Variants in ATP8B4 observed in about 807,000 individuals in gnomAD.
The protein encoded by ATP8B4 is ATPase phospholipid transporting 8B4 (putative), also known as probable phospholipid-transporting ATPase IM.
Under a neutral mutation model 145.6 loss-of-function variants are expected in ATP8B4, and 133 were observed. That is an observed-to-expected ratio of 0.91 (90% CI 0.79 to 1.05). The LOEUF is 1.05. ATP8B4 is among the 50% of genes least tolerant of loss of function. The probability of loss-of-function intolerance (pLI) is 0.00; values close to 1 mark genes in which losing one functional copy is unlikely to be tolerated. For synonymous variants in ATP8B4, 507 were observed against 492.9 expected, an observed-to-expected ratio of 1.03 and a Z score of -0.38; for missense variants, 1,458 against 1,425.2, an observed-to-expected ratio of 1.02 and a Z score of -0.37.
At chr15:49,996,128 A>C (rs1008532999) in intron 9 of ATP8B4, among the ~76,000 whole-genome samples, 4 of 152,108 alleles carry the variant, frequency 2.6e-5, no homozygotes, top group Non-Finnish European at 4.4e-5. Context: ...GAAATACTAA[A>C]ACCATGGTCT....
chr15:49,985,721 A>C (rs1203040025), intron 10 of ATP8B4, among the ~76,000 whole-genome samples: 4 of 152,040 alleles, frequency 2.6e-5, no homozygotes, highest in African/African-American at 9.7e-5. Context: ...AGTTTTTCCA[A>C]CTCTCAGCCT....
intron 9 of ATP8B4, among the ~76,000 whole-genome samples, chr15:49,995,157 C>T (rs190181846): frequency 2.2e-4 from 34 of 152,212 alleles, no homozygotes; most frequent in Admixed American, 1.8e-3. Context: ...TAAATAATTG[C>T]TAACAATCAT....
At chr15:50,172,341 C>T (rs1375311991) in intron 1 of ATP8B4, among the ~76,000 whole-genome samples, 2 of 152,270 alleles carry the variant, frequency 1.3e-5, no homozygotes, top group African/African-American at 4.8e-5. Context: ...ACGGGGTTTC[C>T]CCCTCTTGGC....
intron 16 of ATP8B4, among the ~76,000 whole-genome samples, chr15:49,927,801 T>A (rs1421640026): frequency 6.6e-6 from 1 of 152,090 alleles, no homozygotes; most frequent in Non-Finnish European, 1.5e-5. Context: ...GATACAACAT[T>A]AAGCCAACAC....
chr15:49,893,057 TCA>T (rs1266088080), intron 23 of ATP8B4, among the ~76,000 whole-genome samples: 1 of 152,184 alleles, frequency 6.6e-6, no homozygotes. Context: ...CTGGATGAAG[TCA>T]CACAAATGCT....
At chr15:49,978,938 A>C (rs2045926085) in intron 12 of ATP8B4, among the ~76,000 whole-genome samples, 2 of 152,094 alleles carry the variant, frequency 1.3e-5, no homozygotes, top group South Asian at 4.1e-4. Flanking sequence ...AAATTGTAGT[A>C]GAAGTTATAA....
chr15:50,181,357 A>T (rs1049829423), intron 1 of ATP8B4, among the ~76,000 whole-genome samples: 1 of 152,214 alleles, frequency 6.6e-6, no homozygotes, highest in Non-Finnish European at 1.5e-5. Context: ...TTCCTCTAAA[A>T]GAAATGGTTT....
At chr15:50,162,074 T>C (rs951283941) in intron 1 of ATP8B4, among the ~76,000 whole-genome samples, 2 of 152,134 alleles carry the variant, frequency 1.3e-5, no homozygotes, top group African/African-American at 4.8e-5. Context: ...TTCAGCACTT[T>C]AAATATGTCA....
chr15:50,147,794 T>G (rs1162807316), intron 1 of ATP8B4, among the ~76,000 whole-genome samples: 1 of 152,002 alleles, frequency 6.6e-6, no homozygotes, highest in Non-Finnish European at 1.5e-5. Context: ...AAAGAAAAGA[T>G]GCCAATGAAT....
chr15:50,075,686 C>T (rs890106809), intron 2 of ATP8B4, among the ~76,000 whole-genome samples: 1 of 152,132 alleles, frequency 6.6e-6, no homozygotes, highest in African/African-American at 2.4e-5. Context: ...ATCCAGAATC[C>T]ACCAGGAAGC....
At chr15:50,105,683 G>A (rs1246789251) in intron 2 of ATP8B4, among the ~76,000 whole-genome samples, 1 of 151,910 alleles carries the variant, frequency 6.6e-6, no homozygotes, top group African/African-American at 2.4e-5. Context: ...ATTTCTAGGT[G>A]GCATGATTAC....
At chr15:49,888,327 G>A (rs1169938902) in intron 23 of ATP8B4, among the ~76,000 whole-genome samples, 2 of 152,010 alleles carry the variant, frequency 1.3e-5, no homozygotes, top group African/African-American at 4.8e-5. Flanking sequence ...AGTCTTTCAC[G>A]TCACTTTCCA....
At chr15:49,955,693 A>T (rs1298495540) in intron 14 of ATP8B4, among the ~76,000 whole-genome samples, 3 of 152,220 alleles carry the variant, frequency 2.0e-5, no homozygotes, top group Non-Finnish European at 4.4e-5. Flanking sequence ...ATTCAGCCAT[A>T]AAAAAGGAGG....
At chr15:50,018,672 A>G (rs1311983551) in intron 6 of ATP8B4, among the ~76,000 whole-genome samples, 1 of 152,232 alleles carries the variant, frequency 6.6e-6, no homozygotes, top group African/African-American at 2.4e-5. Flanking sequence ...TAAAGGATAT[A>G]TTAACTTTCA....
intron 3 of ATP8B4, among the ~76,000 whole-genome samples, chr15:50,070,284 A>G (rs140305930): frequency 6.6e-6 from 1 of 152,250 alleles, no homozygotes; most frequent in African/African-American, 2.4e-5. Context: ...CCTTTCTTAA[A>G]AGGATATTCC....
At chr15:49,929,763 A>T (rs1198167576) in intron 16 of ATP8B4, among the ~76,000 whole-genome samples, 1 of 152,070 alleles carries the variant, frequency 6.6e-6, no homozygotes, top group African/African-American at 2.4e-5. Flanking sequence ...CCAAAACAGG[A>T]GTGTCAAGAA....
At chr15:50,060,664 C>A (rs1000713628) in intron 3 of ATP8B4, among the ~76,000 whole-genome samples, 2 of 152,130 alleles carry the variant, frequency 1.3e-5, no homozygotes, top group African/African-American at 4.8e-5. Context: ...TTTGCTTTTG[C>A]CAAAATCTTC....
intron 24 of ATP8B4, among the ~76,000 whole-genome samples, chr15:49,879,100 C>T (rs1037886507): frequency 3.9e-5 from 6 of 152,194 alleles, no homozygotes; most frequent in Non-Finnish European, 8.8e-5. Context: ...GAGATTACTT[C>T]GTACAGGACT....
intron 2 of ATP8B4, among the ~76,000 whole-genome samples, chr15:50,100,261 T>G (rs969160897): frequency 6.6e-6 from 1 of 152,130 alleles, no homozygotes; most frequent in Admixed American, 6.5e-5. Flanking sequence ...CTCACTGAGA[T>G]AAAATATCAT....
Sources: gnomAD v4.1 joint callset for allele counts (sites outside exome capture counted in the v4.1 genomes callset) on GRCh38, gnomAD v4.1.1 for gene constraint, MANE v1.5 for transcripts, NCBI Gene and HGNC (gene_info 2026-07-23, HGNC 2026-07-21) for gene names.